PARM1: variants seen among roughly 807,000 people sequenced by gnomAD.
The protein encoded by PARM1 is WSC4, cell wall integrity and stress response component 4 homolog.
In PARM1, 14 loss-of-function variants were observed where a neutral mutation model predicts 24.6. That is an observed-to-expected ratio of 0.57 (90% CI 0.38 to 0.89). The LOEUF is 0.89. PARM1 is among the 40% of genes least tolerant of loss of function. The pLI is 0.00. For synonymous variants in PARM1, 179 were observed against 156.6 expected (o/e 1.14, Z -1.07); for missense variants, 362 against 380.4 (o/e 0.95, Z 0.40).
intron 2 of PARM1, among the ~76,000 whole-genome samples, chr4:75,014,055 G>C (rs1410807327): frequency 1.3e-5 from 2 of 152,140 alleles, no homozygotes; most frequent in African/African-American, 4.8e-5. Context: ...CCCCTCCCCT[G>C]GGTGGTCCTG....
intron 2 of PARM1, among the ~76,000 whole-genome samples, chr4:75,027,685 C>G (rs1289000690): frequency 6.6e-6 from 1 of 152,150 alleles, no homozygotes; most frequent in Non-Finnish European, 1.5e-5. Flanking sequence ...CACTAGAAAC[C>G]AATGACCTGA....
intron 1 of PARM1, among the ~76,000 whole-genome samples, chr4:74,939,575 T>G (rs1320093709): frequency 2.7e-5 from 2 of 75,340 alleles, no homozygotes; most frequent in East Asian, 5.2e-4. Flanking sequence ...GTGCTGTCTT[T>G]TGTGCCGGGA....
At chr4:75,016,423 T>C (rs1279122054) in intron 2 of PARM1, among the ~76,000 whole-genome samples, 1 of 152,190 alleles carries the variant, frequency 6.6e-6, no homozygotes, top group East Asian at 1.9e-4. Context: ...TCAACTTTTA[T>C]TTTAGATCAG....
At chr4:74,937,923 C>T (rs934912156) in intron 1 of PARM1, among the ~76,000 whole-genome samples, 4 of 152,160 alleles carry the variant, frequency 2.6e-5, no homozygotes, top group African/African-American at 7.2e-5. Context: ...AAAAAATGCT[C>T]AGTAACAAAT....
intron 1 of PARM1, among the ~76,000 whole-genome samples, chr4:74,937,209 T>G (rs1721212735): frequency 6.6e-6 from 1 of 152,194 alleles, no homozygotes; most frequent in Non-Finnish European, 1.5e-5. Context: ...CACACATATA[T>G]TAAAATACAC....
intron 1 of PARM1, among the ~76,000 whole-genome samples, chr4:74,966,525 G>A (rs75598486): frequency 0.014 from 2,124 of 152,194 alleles, 54 homozygotes; most frequent in African/African-American, 0.049. Flanking sequence ...CAGATATCAA[G>A]GGTGGGGGAA....
At chr4:74,943,481 T>A (rs2109981558) in intron 1 of PARM1, among the ~76,000 whole-genome samples, 1 of 152,148 alleles carries the variant, frequency 6.6e-6, no homozygotes, top group East Asian at 1.9e-4. Context: ...TTATGTCTAG[T>A]GCTTCCAAAA....
chr4:75,010,335 G>A (rs1578049273), intron 1 of PARM1, among the ~76,000 whole-genome samples: 1 of 152,164 alleles, frequency 6.6e-6, no homozygotes, highest in South Asian at 2.1e-4. Flanking sequence ...GTGTAGAATG[G>A]TTGGTTGTTT....
intron 1 of PARM1, among the ~76,000 whole-genome samples, chr4:75,008,084 C>T (rs1194059468): frequency 1.3e-5 from 2 of 152,160 alleles, no homozygotes; most frequent in Non-Finnish European, 2.9e-5. Context: ...GTGCCTTAGC[C>T]CTGGCTATCT....
chr4:74,991,204 C>G (rs906232526), intron 1 of PARM1, among the ~76,000 whole-genome samples: 17 of 152,068 alleles, frequency 1.1e-4, no homozygotes, highest in African/African-American at 3.9e-4. Context: ...ATATTTCCAC[C>G]TCTGAACATG....
At chr4:74,981,831 C>T (rs554242447) in intron 1 of PARM1, among the ~76,000 whole-genome samples, 3 of 148,532 alleles carry the variant, frequency 2.0e-5, no homozygotes, top group Non-Finnish European at 3.0e-5. Flanking sequence ...GCCGAAATCG[C>T]GCCACTGCAC....
intron 3 of PARM1, among the ~76,000 whole-genome samples, chr4:75,041,601 C>T (rs1328450737): frequency 1.3e-5 from 2 of 152,164 alleles, no homozygotes; most frequent in Non-Finnish European, 2.9e-5. Flanking sequence ...ACACTTCACT[C>T]ATTTTCAAAG....
At chr4:74,965,739 C>G (rs1380527861) in intron 1 of PARM1, among the ~76,000 whole-genome samples, 1 of 152,136 alleles carries the variant, frequency 6.6e-6, no homozygotes, top group Non-Finnish European at 1.5e-5. Flanking sequence ...ATGGGAAAAG[C>G]ATCGGACTAA....
At chr4:74,991,699 T>C (rs776809202) in intron 1 of PARM1, among the ~76,000 whole-genome samples, 3 of 152,098 alleles carry the variant, frequency 2.0e-5, no homozygotes, top group Non-Finnish European at 4.4e-5. Context: ...TTGTAATACA[T>C]GGGGCATTAG....
chr4:74,948,062 C>G (rs906297774), intron 1 of PARM1, among the ~76,000 whole-genome samples: 3 of 152,264 alleles, frequency 2.0e-5, no homozygotes, highest in Admixed American at 1.3e-4. Flanking sequence ...TCTAGAATGC[C>G]ACACTCCTCC....
chr4:75,022,808 G>A (rs553160649), intron 2 of PARM1, among the ~76,000 whole-genome samples: 4 of 152,116 alleles, frequency 2.6e-5, no homozygotes, highest in Non-Finnish European at 5.9e-5. Flanking sequence ...AGGGAAATGA[G>A]AATGGATCAA....
At chr4:75,030,331 A>G (rs1345483948) in intron 2 of PARM1, among the ~76,000 whole-genome samples, 1 of 152,246 alleles carries the variant, frequency 6.6e-6, no homozygotes, top group Non-Finnish European at 1.5e-5. Flanking sequence ...CATCTATAAA[A>G]TGGGAATAAT....
At chr4:74,971,028 TGAG>T (rs771296540) in intron 1 of PARM1, among the ~76,000 whole-genome samples, 1 of 152,196 alleles carries the variant, frequency 6.6e-6, no homozygotes, top group Non-Finnish European at 1.5e-5. Flanking sequence ...GACTGAGAAG[TGAG>T]CATTTGGAGG....
chr4:75,002,529 G>C (rs550209466), intron 1 of PARM1, among the ~76,000 whole-genome samples: 1 of 152,066 alleles, frequency 6.6e-6, no homozygotes, highest in Admixed American at 6.5e-5. Flanking sequence ...TGGTCTCCCA[G>C]GCCAGTGTGT....
Sources: allele counts gnomAD v4.1 joint callset (sites outside exome capture counted in the v4.1 genomes callset), GRCh38; gene constraint gnomAD v4.1.1; transcripts MANE v1.5; gene names NCBI Gene and HGNC (gene_info 2026-07-23, HGNC 2026-07-21).